Variants in TNPO1 observed in about 807,000 individuals in gnomAD.
TNPO1 encodes transportin 1.
A neutral mutation model predicts 119.5 loss-of-function variants in TNPO1; 8 were observed. The ratio of observed to expected loss-of-function variants is 0.07; its 90% CI spans 0.04 to 0.12. The LOEUF (loss-of-function observed/expected upper bound fraction) is 0.12, where lower values mean the gene tolerates loss of function less well. Ranked by LOEUF, TNPO1 falls within the 10% of genes least tolerant of loss-of-function variation. The pLI, the probability that TNPO1 is intolerant of heterozygous loss-of-function variation, is 1.00. For missense variants in TNPO1, 576 were observed against 1,089.8 expected, an observed-to-expected ratio of 0.53 and a Z score of 6.64; for synonymous variants, 362 against 363.0, an observed-to-expected ratio of 1.00 and a Z score of 0.03.
Position 72,897,036 on chromosome 5 carries a change from C to G in TNPO1, c.2243-20C>G. ...TCAATTTTTTCTTTTTTGTTTTTTTCTTTTTGGGATGATCTCTAGGTATAG... is the reference window on the plus strand; with the variant it reads ...TCAATTTTTTCTTTTTTGTTTTTTTGTTTTTGGGATGATCTCTAGGTATAG... On this transcript the variant is annotated intron_variant, in intron 19 of 24. Transcript: ENST00000337273. 2 of 1,506,602 alleles carry G rather than the reference C, an allele frequency of 1.3e-6. No individual in the cohort carries two copies. Among genetic ancestry groups the G allele is most frequent in the Non-Finnish European group, 8.9e-7 (1 of 1,127,802 alleles). The allele number at this position is 1,506,602 out of a possible 1,614,324, so 93.3% of individuals were successfully genotyped here. A position where few individuals can be genotyped will look rare whatever the true frequency, so the allele number is the denominator to read the frequency against.
At chr5:72,875,328 A>G (rs1304411371) in intron 7 of TNPO1, among the ~76,000 whole-genome samples, 1 of 152,178 alleles carries the variant, frequency 6.6e-6, no homozygotes, top group Non-Finnish European at 1.5e-5. Flanking sequence ...TGGGTGAGCA[A>G]ACAAATGCTC....
rs1366531067 is a variant in TNPO1, at chr5:72,910,062, T to C, written c.*1389T>C. ...TTTCAATGTTTATTCCCACTCAACATACTGCCTTCTAAGCTTCCCTTTTTT... is the reference window on the plus strand; with the variant it reads ...TTTCAATGTTTATTCCCACTCAACACACTGCCTTCTAAGCTTCCCTTTTTT... On this transcript the variant is annotated 3_prime_UTR_variant, in exon 25 of 25. Transcript: ENST00000337273. 6.6e-6 allele frequency: 1 copy of C among 152,670 alleles called. No homozygotes were observed. Among genetic ancestry groups the C allele is most frequent in the African/African-American group, 2.4e-5 (1 of 41,478 alleles). The allele number at this position is 152,670 out of a possible 1,614,324, so 9.5% of individuals were successfully genotyped here. A position where few individuals can be genotyped will look rare whatever the true frequency, so the allele number is the denominator to read the frequency against.
intron 1 of TNPO1, among the ~76,000 whole-genome samples, chr5:72,831,642 C>T (rs4041421): frequency 0.47 from 71,907 of 151,764 alleles, 18,270 homozygotes; most frequent in Admixed American, 0.61. Context: ...CTTCTGTTCT[C>T]TAATATTCAA....
At chr5:72,831,897 CT>C (rs947047048) in intron 1 of TNPO1, among the ~76,000 whole-genome samples, 1 of 152,086 alleles carries the variant, frequency 6.6e-6, no homozygotes. Flanking sequence ...AGTATTTTAT[CT>C]TTTTTTCTCA....
At chr5:72,907,628 T>C (rs1372296321) in intron 24 of TNPO1, among the ~76,000 whole-genome samples, 1 of 152,216 alleles carries the variant, frequency 6.6e-6, no homozygotes, top group Non-Finnish European at 1.5e-5. Context: ...TTAATATCCT[T>C]TTTATCATTA....
At chr5:72,841,509 G>A (rs991279525) in intron 1 of TNPO1, among the ~76,000 whole-genome samples, 1 of 151,464 alleles carries the variant, frequency 6.6e-6, no homozygotes, top group African/African-American at 2.4e-5. Flanking sequence ...ATGCCACCAC[G>A]CCTGGCTAAT....
chr5:72,886,940 C>A, intron 11 of TNPO1, 130 bp from the exon 12 acceptor site: 1 of 652,532 alleles, frequency 1.5e-6, no homozygotes. Context: ...TGACAAACTA[C>A]CTCCTATTCA....
intron 21 of TNPO1, among the ~76,000 whole-genome samples, chr5:72,900,331 A>T (rs542635862): frequency 9.6e-4 from 146 of 152,320 alleles, no homozygotes; most frequent in African/African-American, 3.3e-3. Flanking sequence ...TGTGTTAAAA[A>T]AGCTTGATTA....
At chr5:72,834,569 A>C (rs1744609573) in intron 1 of TNPO1, among the ~76,000 whole-genome samples, 1 of 152,264 alleles carries the variant, frequency 6.6e-6, no homozygotes, top group African/African-American at 2.4e-5. Context: ...GAATACAGCT[A>C]TAAGGAGAAA....
At chr5:72,883,931 TG>T (rs1021606304) in intron 11 of TNPO1, among the ~76,000 whole-genome samples, 2 of 151,766 alleles carry the variant, frequency 1.3e-5, no homozygotes, top group African/African-American at 2.4e-5. Flanking sequence ...TTTTTTTTTT[TG>T]GTAGAGACAG....
At position 72,899,964 on chromosome 5, in the gene TNPO1, G is replaced by A. The variant is rs1749695627; in HGVS notation, c.2339-42G>A. On this transcript the variant is annotated intron_variant, in intron 20 of 24. Transcript: ENST00000337273. ...TTCCCCCTCATTTGCTCATGTCTTGGTTGGCGTTTGGTGGTGTATAACCGT... is the reference window on the plus strand; with the variant it reads ...TTCCCCCTCATTTGCTCATGTCTTGATTGGCGTTTGGTGGTGTATAACCGT... 5 of 1,547,170 alleles carry A rather than the reference G, an allele frequency of 3.2e-6. No individual in the cohort carries two copies. The South Asian group carries it at 5.8e-5, about 18-fold the overall frequency.
At chr5:72,820,069 T>A (rs748121992) in intron 1 of TNPO1, among the ~76,000 whole-genome samples, 2 of 152,220 alleles carry the variant, frequency 1.3e-5, no homozygotes, top group Non-Finnish European at 2.9e-5. Context: ...TCTGAGTTTA[T>A]TGGATTTTTT....
Position 72,897,081 on chromosome 5 carries a change from T to C in TNPO1, c.2268T>C (p.Pro756=), listed in dbSNP as rs754130637. The part of the protein sequence containing the change: ...QMGIEMQPYI[P]MVLHQLVEII... Reference sequence around the variant, plus strand: ...GTATAGAGATGCAGCCTTATATTCCTATGGTGTTGCACCAGCTTGTAGAAA... The same window carrying C: ...GTATAGAGATGCAGCCTTATATTCCCATGGTGTTGCACCAGCTTGTAGAAA... The change falls in exon 20 of 25, where the codon CCT becomes CCC. Residue 756 remains proline (P), a synonymous_variant. Coordinates refer to ENST00000337273, the MANE Select transcript of TNPO1 (RefSeq NM_002270.4). 1.2e-6 allele frequency: 2 copies of C among 1,610,576 alleles called. No individual in the cohort carries two copies. Among genetic ancestry groups the C allele is most frequent in the South Asian group, 1.1e-5 (1 of 90,312 alleles).
At chr5:72,848,586 C>A in intron 2 of TNPO1, 88 bp downstream of exon 2, 1 of 665,398 alleles carries the variant, frequency 1.5e-6, no homozygotes, top group Non-Finnish European at 2.2e-6. Context: ...CCGTCGCCTC[C>A]GCCTCTGCCC....
At chr5:72,848,582 C>A in intron 2 of TNPO1, 84 bp downstream of exon 2, 1 of 736,458 alleles carries the variant, frequency 1.4e-6, no homozygotes, top group South Asian at 3.4e-5. Flanking sequence ...GCTCCCGTCG[C>A]CTCCGCCTCT....
At position 72,848,286 on chromosome 5, in the gene TNPO1, G is replaced by C. The variant is rs1745238326; in HGVS notation, c.16-99G>C. ...GTTTGGGGAGCGCTGGGGTTGTGGT[G>C]GCGGGGAGAACGGGTCAGCTGCGCG... is the stretch of plus-strand genomic sequence containing the variant. On this transcript the variant is annotated intron_variant, in intron 1 of 24. Transcript: ENST00000337273. The C allele has an allele frequency of 2.2e-6, 3 of 1,344,096 alleles. No individual in the cohort carries two copies. The East Asian group carries it at 9.0e-5, about 40-fold the overall frequency. The allele number at this position is 1,344,096 out of a possible 1,614,324, so 83.3% of individuals were successfully genotyped here. A position where few individuals can be genotyped will look rare whatever the true frequency, so the allele number is the denominator to read the frequency against.
rs1223363992 is a variant in TNPO1 at position 72,882,519 on chromosome 5, C to G, written c.973C>G (p.Leu325Val). The G allele has an allele frequency of 1.2e-6, 2 of 1,607,106 alleles. No individual in the cohort carries two copies. Among genetic ancestry groups the G allele is most frequent in the Middle Eastern group, 1.7e-4 (1 of 6,036 alleles). Residue 325 changes from leucine (L) to valine (V), a missense_variant, in exon 10 of 25, where the codon CTA becomes GTA. By Grantham distance (32) the Leu-to-Val change is conservative. This residue lies in a region of TNPO1 where 310 missense variants were observed against 583.0 expected (regional missense o/e 0.53). Transcript: ENST00000337273. ...GMKYSDIDII[L>V]LKGDVEEDET... The stretch of plus-strand genomic sequence containing the variant: ...GAAGTACTCAGACATAGATATTATC[C>G]TACTTAAGGTAAGGAAGCTTTTTTG...
At chr5:72,890,923 A>C (rs1267429244) in intron 14 of TNPO1, among the ~76,000 whole-genome samples, 2 of 152,150 alleles carry the variant, frequency 1.3e-5, no homozygotes, top group Non-Finnish European at 2.9e-5. Context: ...GTGTGATCAC[A>C]GCTCATTGCA....
intron 4 of TNPO1, among the ~76,000 whole-genome samples, chr5:72,858,867 A>C (rs369218489): frequency 6.6e-6 from 1 of 151,402 alleles, no homozygotes. Flanking sequence ...AGTATTTTAT[A>C]GTTTTGTTGT....
Sources: gnomAD v4.1 joint callset for allele counts (sites outside exome capture counted in the v4.1 genomes callset) on GRCh38, gnomAD v4.1.1 for gene constraint, gnomAD v4.1.1 regional missense constraint, MANE v1.5 for transcripts, NCBI Gene and HGNC (gene_info 2026-07-23, HGNC 2026-07-21) for gene names.